The following PRKAG2 variants were observed in gnomAD, a reference collection of about 807,000 sequenced individuals.
The protein encoded by PRKAG2 is 5'-AMP-activated protein kinase subunit gamma-2.
A neutral mutation model predicts 69.6 loss-of-function variants in PRKAG2; 26 were observed. The observed-to-expected ratio is 0.37, with a 90% CI of 0.27 to 0.52. The LOEUF (loss-of-function observed/expected upper bound fraction) is 0.52. PRKAG2 is among the 20% of genes least tolerant of loss of function. PRKAG2 has a pLI of 0.90. For missense variants in PRKAG2, 557 were observed against 740.0 expected (o/e 0.75, Z 2.87); for synonymous variants, 293 against 285.0 (o/e 1.03, Z -0.28).
intron 3 of PRKAG2, among the ~76,000 whole-genome samples, chr7:151,709,714 T>C (rs1250386735): frequency 6.6e-5 from 10 of 152,178 alleles, no homozygotes; most frequent in African/African-American, 2.4e-4. Flanking sequence ...CACTGACAAG[T>C]GACATTGCGT....
At chr7:151,630,392 T>C (rs1401444441) in intron 5 of PRKAG2, among the ~76,000 whole-genome samples, 2 of 152,258 alleles carry the variant, frequency 1.3e-5, no homozygotes, top group African/African-American at 4.8e-5. Context: ...TTCAGTACAA[T>C]GCTTAATGGC....
intron 3 of PRKAG2, among the ~76,000 whole-genome samples, chr7:151,761,540 T>C (rs1356607277): frequency 6.6e-6 from 1 of 152,138 alleles, no homozygotes; most frequent in East Asian, 1.9e-4. Flanking sequence ...CACACCCCTC[T>C]GAAGGCATCC....
chr7:151,571,966 C>CTCCG (rs1184016467), intron 9 of PRKAG2, among the ~76,000 whole-genome samples: 3 of 152,224 alleles, frequency 2.0e-5, no homozygotes, highest in African/African-American at 7.2e-5. Flanking sequence ...CCTCCAAAGG[C>CTCCG]TCCGCTGTTG....
At chr7:151,558,939 T>A (rs764490722) in intron 15 of PRKAG2, 1 of 985,454 alleles carries the variant, frequency 1.0e-6, no homozygotes, top group Non-Finnish European at 1.2e-6. Context: ...TTACTCTTTT[T>A]GTAATGCCCA....
chr7:151,845,972 G>A (rs2079422135), intron 1 of PRKAG2, among the ~76,000 whole-genome samples: 1 of 152,188 alleles, frequency 6.6e-6, no homozygotes, highest in African/African-American at 2.4e-5. Flanking sequence ...TCGGGGGCTA[G>A]CAGGGTCTGG....
chr7:151,636,095 C>A (rs984859502), intron 4 of PRKAG2, among the ~76,000 whole-genome samples: 2 of 152,050 alleles, frequency 1.3e-5, no homozygotes, highest in African/African-American at 4.8e-5. Flanking sequence ...TCGTGATCCA[C>A]CCGCCTCAGA....
At chr7:151,601,998 CTGATA>C (rs1816204958) in intron 5 of PRKAG2, among the ~76,000 whole-genome samples, 1 of 152,234 alleles carries the variant, frequency 6.6e-6, no homozygotes, top group African/African-American at 2.4e-5. Context: ...TCTCAAAACA[CTGATA>C]GACTAGACAG....
At chr7:151,767,125 G>A (rs924436674) in intron 3 of PRKAG2, among the ~76,000 whole-genome samples, 1 of 152,172 alleles carries the variant, frequency 6.6e-6, no homozygotes, top group Non-Finnish European at 1.5e-5. Context: ...AGATGAAGGC[G>A]GAGACTGGGG....
chr7:151,576,508 CT>C (rs1208767401), intron 6 of PRKAG2, 56 bp from the exon 7 acceptor site: 10,853 of 1,208,394 alleles, frequency 9.0e-3, no homozygotes, highest in Non-Finnish European at 9.7e-3. Flanking sequence ...AGAAAAATAC[CT>C]TTTTTTTTTG....
At position 151,567,646 on chromosome 7, in the gene PRKAG2, T is replaced by C. The variant is rs756918362; in HGVS notation, c.1233+1070A>G. Among the ~76,000 whole-genome samples the C allele has an allele frequency of 1.3e-5, 2 of 152,226 alleles. No individual in the cohort carries two copies. Among genetic ancestry groups the C allele is most frequent in the Non-Finnish European group, 2.9e-5 (2 of 68,040 alleles). Reference sequence around the variant, plus strand: ...CCTTTTTCCTAGATTATCGCCTTTATTAAACTTCAGACTTGAGTTTTTTTG... The same window carrying C: ...CCTTTTTCCTAGATTATCGCCTTTACTAAACTTCAGACTTGAGTTTTTTTG... On this transcript the variant is annotated intron_variant, in intron 11 of 15. Transcript: ENST00000287878. The surrounding 1 kb of genome is among the most constrained non-coding windows in gnomAD (Gnocchi z 4.2).
chr7:151,751,384 G>T (rs2074674477), intron 3 of PRKAG2, among the ~76,000 whole-genome samples: 1 of 152,044 alleles, frequency 6.6e-6, no homozygotes, highest in Admixed American at 6.6e-5. Context: ...AAAGTGCTGG[G>T]ATTACAGGTT....
intron 3 of PRKAG2, among the ~76,000 whole-genome samples, chr7:151,773,186 GAAAGA>G (rs2076168881): frequency 2.1e-5 from 3 of 145,554 alleles, no homozygotes; most frequent in African/African-American, 7.8e-5. Context: ...AGGAAGGAAG[GAAAGA>G]AAGAAGGAAA....
chr7:151,673,838 C>CTTTTTTTTTT (rs57744338), intron 4 of PRKAG2, among the ~76,000 whole-genome samples: 4 of 87,590 alleles, frequency 4.6e-5, no homozygotes, highest in Non-Finnish European at 6.6e-5. Flanking sequence ...AGCTTGTGTT[C>CTTTTTTTTTT]TTTTTTTTTT....
intron 4 of PRKAG2, among the ~76,000 whole-genome samples, chr7:151,666,848 C>CT (rs1312843995): frequency 3.4e-4 from 51 of 152,168 alleles, no homozygotes; most frequent in Non-Finnish European, 5.1e-4. Flanking sequence ...CCCTTATTTT[C>CT]TCCTGTCAGG....
intron 1 of PRKAG2, among the ~76,000 whole-genome samples, chr7:151,803,854 T>C (rs955427612): frequency 9.9e-5 from 15 of 151,138 alleles, no homozygotes; most frequent in Admixed American, 3.3e-4. Flanking sequence ...AGGAGAATCA[T>C]TTGAACCTGG....
intron 1 of PRKAG2, among the ~76,000 whole-genome samples, chr7:151,874,063 T>C (rs962433538): frequency 6.9e-6 from 1 of 145,902 alleles, no homozygotes; most frequent in Admixed American, 6.9e-5. Context: ...TATATGTATA[T>C]GTATATGATG....
At chr7:151,658,197 G>GAATAAA (rs1829773731) in intron 4 of PRKAG2, among the ~76,000 whole-genome samples, 1 of 145,450 alleles carries the variant, frequency 6.9e-6, no homozygotes, top group Non-Finnish European at 1.5e-5. Context: ...AAATAAATAA[G>GAATAAA]AATAATAGGG....
intron 1 of PRKAG2, among the ~76,000 whole-genome samples, chr7:151,875,358 G>A (rs1276367326): frequency 1.3e-5 from 2 of 152,202 alleles, no homozygotes; most frequent in African/African-American, 4.8e-5. Context: ...TTAGCGGGGC[G>A]TCTAAAAGAA....
intron 1 of PRKAG2, among the ~76,000 whole-genome samples, chr7:151,844,596 A>G (rs1239670867): frequency 1.3e-5 from 2 of 152,208 alleles, no homozygotes; most frequent in African/African-American, 4.8e-5. Context: ...AACAGACAAT[A>G]ACTCAGTGCC....
Sources: gnomAD v4.1 joint callset for allele counts (sites outside exome capture counted in the v4.1 genomes callset) on GRCh38, gnomAD v4.1.1 for gene constraint, Gnocchi (gnomAD v3.1) non-coding constraint, MANE v1.5 for transcripts, NCBI Gene and HGNC (gene_info 2026-07-23, HGNC 2026-07-21) for gene names.